ROBO1: variants seen among roughly 807,000 people sequenced by gnomAD.
The protein encoded by ROBO1 is roundabout guidance receptor 1, also known as roundabout homolog 1.
ROBO1 carries 149 observed loss-of-function variants against 195.9 expected under a neutral mutation model. The ratio of observed to expected loss-of-function variants is 0.76; its 90% CI spans 0.67 to 0.87. The LOEUF (loss-of-function observed/expected upper bound fraction) is 0.87. Among genes scored for constraint, ROBO1 ranks in the 40% least tolerant of loss-of-function variants. ROBO1 has a pLI of 0.00. For synonymous variants in ROBO1, 816 were observed against 733.2 expected, an observed-to-expected ratio of 1.11 and a Z score of -1.82; for missense variants, 1,933 against 2,068.3, an observed-to-expected ratio of 0.93 and a Z score of 1.27.
chr3:79,020,292 C>T (rs562009966), intron 3 of ROBO1, among the ~76,000 whole-genome samples: 3 of 152,170 alleles, frequency 2.0e-5, no homozygotes, highest in African/African-American at 4.8e-5. Flanking sequence ...TTTCTGTTCT[C>T]GAGATATTTT....
chr3:79,562,634 T>A (rs1942961215), intron 2 of ROBO1, among the ~76,000 whole-genome samples: 2 of 152,052 alleles, frequency 1.3e-5, no homozygotes, highest in South Asian at 4.1e-4. Context: ...TCATACTCAG[T>A]TTAATTAAAT....
intron 4 of ROBO1, among the ~76,000 whole-genome samples, chr3:78,790,339 T>C (rs189438740): frequency 9.1e-4 from 138 of 152,236 alleles, no homozygotes; most frequent in Non-Finnish European, 1.7e-3. Flanking sequence ...TGTGGATACA[T>C]AGTAGGTACA....
chr3:79,362,584 TAA>T (rs1210550267), intron 2 of ROBO1, among the ~76,000 whole-genome samples: 1 of 152,132 alleles, frequency 6.6e-6, no homozygotes, highest in African/African-American at 2.4e-5. Flanking sequence ...AAATTAAAAT[TAA>T]GTTTCTTTTC....
chr3:78,688,472 C>G (rs76236418), intron 9 of ROBO1, among the ~76,000 whole-genome samples, 176 bp downstream of exon 9: 6 of 152,114 alleles, frequency 3.9e-5, no homozygotes, highest in Non-Finnish European at 7.4e-5. Flanking sequence ...AGAATTCAAG[C>G]GGTGAAGACA....
chr3:78,860,327 T>TATATA (rs1491455003), intron 4 of ROBO1, among the ~76,000 whole-genome samples: 84 of 12,572 alleles, frequency 6.7e-3, no homozygotes, highest in African/African-American at 0.019. Context: ...TATATATATA[T>TATATA]TTTTTTTTTT....
chr3:79,192,635 G>A, intron 2 of ROBO1, among the ~76,000 whole-genome samples: 1 of 151,542 alleles, frequency 6.6e-6, no homozygotes, highest in South Asian at 2.1e-4. Flanking sequence ...AAGCCGTATG[G>A]ATAAGACAAA....
intron 7 of ROBO1, among the ~76,000 whole-genome samples, chr3:78,715,610 C>A (rs1430288628): frequency 6.6e-6 from 1 of 152,232 alleles, no homozygotes; most frequent in African/African-American, 2.4e-5. Flanking sequence ...CGGCTCACTG[C>A]AACCTCCGCC....
chr3:79,017,386 C>G (rs1462335083), intron 3 of ROBO1, among the ~76,000 whole-genome samples: 1 of 151,696 alleles, frequency 6.6e-6, no homozygotes. Flanking sequence ...GTGACTCTTA[C>G]CGATAAGCCC....
At chr3:79,052,238 T>C (rs943883903) in intron 3 of ROBO1, among the ~76,000 whole-genome samples, 3 of 152,102 alleles carry the variant, frequency 2.0e-5, no homozygotes, top group Middle Eastern at 3.2e-3. Context: ...AGTGTTTGTC[T>C]TATGCAGTTG....
chr3:79,303,972 A>G (rs1200277354), intron 2 of ROBO1, among the ~76,000 whole-genome samples: 1 of 152,242 alleles, frequency 6.6e-6, no homozygotes, highest in Admixed American at 6.5e-5. Context: ...TCTCATGAAA[A>G]GCACACAATG....
intron 3 of ROBO1, among the ~76,000 whole-genome samples, chr3:79,050,289 A>G (rs1413693995): frequency 6.6e-6 from 1 of 152,176 alleles, no homozygotes; most frequent in African/African-American, 2.4e-5. Flanking sequence ...CAAAGATCAA[A>G]AGAGACAAAG....
chr3:78,786,153 T>A (rs1311883526), intron 4 of ROBO1, among the ~76,000 whole-genome samples: 1 of 152,184 alleles, frequency 6.6e-6, no homozygotes, highest in African/African-American at 2.4e-5. Flanking sequence ...TTCCACCTAC[T>A]TTCTCTGCTA....
At chr3:79,309,959 A>C (rs2109090408) in intron 2 of ROBO1, among the ~76,000 whole-genome samples, 1 of 152,322 alleles carries the variant, frequency 6.6e-6, no homozygotes, top group East Asian at 1.9e-4. Context: ...TGTGAATTTA[A>C]ATAGTGCTCC....
intron 2 of ROBO1, among the ~76,000 whole-genome samples, chr3:79,500,710 G>A (rs1281089300): frequency 6.6e-6 from 1 of 152,152 alleles, no homozygotes; most frequent in African/African-American, 2.4e-5. Context: ...CGAAGTACAT[G>A]GTCACATAAG....
intron 1 of ROBO1, among the ~76,000 whole-genome samples, chr3:79,720,913 C>T (rs560166613): frequency 6.6e-6 from 1 of 152,066 alleles, no homozygotes; most frequent in East Asian, 1.9e-4. Flanking sequence ...CTGCCTCAGC[C>T]TCCCGAGTAG....
intron 4 of ROBO1, among the ~76,000 whole-genome samples, chr3:78,773,946 C>A (rs552366087): frequency 1.3e-5 from 2 of 152,242 alleles, no homozygotes; most frequent in African/African-American, 2.4e-5. Flanking sequence ...GTCACTGTTT[C>A]CCTCACAGTA....
At chr3:79,273,471 T>C (rs1391614587) in intron 2 of ROBO1, among the ~76,000 whole-genome samples, 1 of 152,036 alleles carries the variant, frequency 6.6e-6, no homozygotes, top group African/African-American at 2.4e-5. Context: ...AAGATGTTAT[T>C]TGCAAGCCTC....
At chr3:79,054,997 G>T (rs2078776815) in intron 3 of ROBO1, among the ~76,000 whole-genome samples, 1 of 152,078 alleles carries the variant, frequency 6.6e-6, no homozygotes, top group African/African-American at 2.4e-5. Context: ...ACAGTAGGGG[G>T]TAGGGTGGTC....
intron 2 of ROBO1, among the ~76,000 whole-genome samples, chr3:79,185,253 T>C (rs944903312): frequency 6.6e-6 from 1 of 152,186 alleles, no homozygotes; most frequent in Non-Finnish European, 1.5e-5. Flanking sequence ...CAGGTGTCTT[T>C]GAGTTTTATG....
Sources: allele counts gnomAD v4.1 joint callset (sites outside exome capture counted in the v4.1 genomes callset), GRCh38; gene constraint gnomAD v4.1.1; transcripts MANE v1.5; gene names NCBI Gene and HGNC (gene_info 2026-07-23, HGNC 2026-07-21).